Variants in CDH6 observed in about 807,000 individuals in gnomAD.
The protein encoded by CDH6 is cadherin 6.
CDH6 carries 31 observed loss-of-function variants against 78.0 expected under a neutral mutation model. The ratio of observed to expected loss-of-function variants is 0.40; its 90% CI spans 0.30 to 0.54. The LOEUF (loss-of-function observed/expected upper bound fraction) is 0.54, where lower values mean the gene tolerates loss of function less well. CDH6 is among the 20% of genes least tolerant of loss of function. The probability of loss-of-function intolerance (pLI) is 0.56; values close to 1 mark genes in which losing one functional copy is unlikely to be tolerated. For synonymous variants in CDH6, 376 were observed against 368.8 expected, an observed-to-expected ratio of 1.02 and a Z score of -0.23; for missense variants, 724 against 975.9, an observed-to-expected ratio of 0.74 and a Z score of 3.44.
intron 1 of CDH6, among the ~76,000 whole-genome samples, chr5:31,208,175 G>A (rs1740590393): frequency 6.6e-6 from 1 of 152,186 alleles, no homozygotes; most frequent in Admixed American, 6.5e-5. Context: ...TGGAGAGCAT[G>A]TTTATGAGCC....
intron 1 of CDH6, among the ~76,000 whole-genome samples, chr5:31,227,913 T>C (rs1326682657): frequency 6.6e-6 from 1 of 152,164 alleles, no homozygotes; most frequent in East Asian, 1.9e-4. Context: ...CAAAACACAT[T>C]ACCACAAAAC....
rs771529357 is a variant in CDH6, at chr5:31,327,973, A to T, written c.*4665A>T. 1.9e-5 allele frequency: 4 copies of T among 214,242 alleles called. No individual in the cohort carries two copies. The highest frequency in any genetic ancestry group is 2.8e-5 in the Non-Finnish European group (3 of 106,212). 13.3% of individuals were successfully genotyped at this position (214,242 alleles called of 1,614,324 possible). Reference sequence around the variant, plus strand: ...TCTTTAATCTACTCCCCTTTTTGTAATACCTTATTTATGGTGCATTTTCAT... The same window carrying T: ...TCTTTAATCTACTCCCCTTTTTGTATTACCTTATTTATGGTGCATTTTCAT... On this transcript the variant is annotated 3_prime_UTR_variant, in exon 12 of 12. Transcript: ENST00000265071.
intron 7 of CDH6, among the ~76,000 whole-genome samples, chr5:31,308,168 G>A (rs934698409): frequency 1.2e-4 from 18 of 152,124 alleles, no homozygotes; most frequent in Non-Finnish European, 2.1e-4. Context: ...ATTAACACTA[G>A]AAAATTCTTC....
In CDH6 at chr5:31,323,061, A is replaced by C; in HGVS notation, c.2126A>C (p.Asn709Thr). ...LPRRTPTARD[N>T]TDVRDFINQR... is the part of the protein sequence containing the mutation. ...CGACGGACTCCAACAGCTCGCGACA[A>C]CACCGATGTCAGAGATTTCATTAAC... is the stretch of plus-strand genomic sequence containing the variant. The change falls in exon 12 of 12, where the codon AAC becomes ACC. Residue 709 changes from asparagine (N) to threonine (T), a missense_variant. By Grantham distance (65) the Asn-to-Thr change is moderately conservative. Transcript: ENST00000265071. 6.2e-7 allele frequency: 1 copy of C among 1,614,142 alleles called. No individual in the cohort carries two copies. Among genetic ancestry groups the C allele is most frequent in the Non-Finnish European group, 8.5e-7 (1 of 1,180,024 alleles).
chr5:31,304,858 A>G (rs1737935159), intron 6 of CDH6, among the ~76,000 whole-genome samples: 1 of 152,056 alleles, frequency 6.6e-6, no homozygotes, highest in Non-Finnish European at 1.5e-5. Context: ...CCTGCCTGGT[A>G]TGATGCCTTG....
chr5:31,284,714 T>C (rs1742968316), intron 2 of CDH6, among the ~76,000 whole-genome samples: 1 of 152,200 alleles, frequency 6.6e-6, no homozygotes, highest in Non-Finnish European at 1.5e-5. Flanking sequence ...TTCACCTTGA[T>C]CACTGGAGAG....
At chr5:31,197,202 C>G (rs34475559) in intron 1 of CDH6, among the ~76,000 whole-genome samples, 1 of 152,162 alleles carries the variant, frequency 6.6e-6, no homozygotes, top group East Asian at 1.9e-4. Context: ...TTTTAGGTAA[C>G]CTACTCCTTA....
chr5:31,269,177 C>T (rs1219392043), intron 2 of CDH6, among the ~76,000 whole-genome samples: 1 of 150,212 alleles, frequency 6.7e-6, no homozygotes, highest in African/African-American at 2.4e-5. Context: ...TTAAAAAGTG[C>T]TTTATCTAAA....
chr5:31,295,503 G>C (rs750964669), intron 3 of CDH6, among the ~76,000 whole-genome samples: 1 of 152,118 alleles, frequency 6.6e-6, no homozygotes, highest in East Asian at 1.9e-4. Context: ...AAACATTTAG[G>C]GGTAGTTGAC....
intron 1 of CDH6, among the ~76,000 whole-genome samples, chr5:31,245,227 G>A (rs16900783): frequency 0.06 from 9,188 of 152,158 alleles, 533 homozygotes; most frequent in East Asian, 0.15. Context: ...AACTAAGGAA[G>A]GCCTAAAATA....
chr5:31,234,282 A>C (rs186456188), intron 1 of CDH6, among the ~76,000 whole-genome samples: 46 of 152,344 alleles, frequency 3.0e-4, no homozygotes, highest in African/African-American at 1.1e-3. Flanking sequence ...CAGAAAAGAA[A>C]ATTTGTAAAT....
intron 1 of CDH6, among the ~76,000 whole-genome samples, chr5:31,257,953 A>G (rs1742100006): frequency 6.6e-6 from 1 of 152,114 alleles, no homozygotes; most frequent in Non-Finnish European, 1.5e-5. Flanking sequence ...CTCACTAGCT[A>G]TGTACTCTGG....
chr5:31,260,003 G>A (rs1319017003), intron 1 of CDH6, among the ~76,000 whole-genome samples: 1 of 152,208 alleles, frequency 6.6e-6, no homozygotes, highest in Non-Finnish European at 1.5e-5. Context: ...CACAAATGAG[G>A]ATGTATTGAT....
chr5:31,299,215 T>C (rs557499963), intron 4 of CDH6, among the ~76,000 whole-genome samples: 79 of 152,346 alleles, frequency 5.2e-4, no homozygotes, highest in Admixed American at 2.0e-3. Context: ...GTCTATACTA[T>C]TGCAGAATCT....
intron 1 of CDH6, among the ~76,000 whole-genome samples, chr5:31,226,130 C>T (rs1272251206): frequency 6.6e-6 from 1 of 152,100 alleles, no homozygotes; most frequent in African/African-American, 2.4e-5. Flanking sequence ...GACATGTTCT[C>T]ATTACACAGA....
intron 1 of CDH6, among the ~76,000 whole-genome samples, chr5:31,235,062 A>G (rs1011235478): frequency 4.6e-5 from 7 of 152,146 alleles, no homozygotes; most frequent in Non-Finnish European, 1.0e-4. Flanking sequence ...AACCTATTTT[A>G]GATTTTGAGA....
In CDH6 at chr5:31,317,920, A is replaced by G. The variant is rs557328453; in HGVS notation, c.1878A>G (p.Leu626=). Residue 626 remains leucine (L), a synonymous_variant, in exon 11 of 12, where the codon CTA becomes CTG. Transcript: ENST00000265071. Reference sequence around the variant, plus strand: ...CCATCCTTCTGTGCATCGTGATCCTACTAGGTAAACTGGTTCTCCCTGCCT... The same window carrying G: ...CCATCCTTCTGTGCATCGTGATCCTGCTAGGTAAACTGGTTCTCCCTGCCT... ...LVAILLCIVI[L]LVTVVLFAAL... 3 of 1,612,564 alleles carry G rather than the reference A, an allele frequency of 1.9e-6. No individual in the cohort carries two copies. The highest frequency in any genetic ancestry group is 2.7e-5 in the African/African-American group (2 of 75,000).
intron 7 of CDH6, among the ~76,000 whole-genome samples, chr5:31,309,231 A>G (rs550370158): frequency 4.6e-5 from 7 of 152,298 alleles, no homozygotes; most frequent in African/African-American, 1.7e-4. Context: ...CTTTAAAATC[A>G]GGTTTAAATG....
At chr5:31,199,641 TTG>T (rs1173914420) in intron 1 of CDH6, among the ~76,000 whole-genome samples, 14 of 128,080 alleles carry the variant, frequency 1.1e-4, no homozygotes, top group South Asian at 7.9e-4. Flanking sequence ...ATATATACGT[TTG>T]TGTGTGTGTG....
Sources: gnomAD v4.1 joint callset for allele counts (sites outside exome capture counted in the v4.1 genomes callset) on GRCh38, gnomAD v4.1.1 for gene constraint, MANE v1.5 for transcripts, NCBI Gene and HGNC (gene_info 2026-07-23, HGNC 2026-07-21) for gene names.